ZDHHC13: variants seen among roughly 807,000 people sequenced by gnomAD.
The protein encoded by ZDHHC13 is palmitoyltransferase ZDHHC13.
ZDHHC13 carries 85 observed loss-of-function variants against 86.0 expected under a neutral mutation model. That is an observed-to-expected ratio of 0.99 (90% confidence interval 0.83 to 1.18). ZDHHC13 has a LOEUF of 1.18. ZDHHC13 is among the 50% of genes most tolerant of loss of function. The pLI is 0.00. For synonymous variants in ZDHHC13, 263 were observed against 246.4 expected (o/e 1.07, Z -0.63); for missense variants, 711 against 730.2 (o/e 0.97, Z 0.30).
At chr11:19,139,158 G>A (rs1347501195) in intron 1 of ZDHHC13, among the ~76,000 whole-genome samples, 3 of 151,878 alleles carry the variant, frequency 2.0e-5, no homozygotes, top group Non-Finnish European at 4.4e-5. Flanking sequence ...TGTATATCTA[G>A]AAAACCCCAT....
intron 8 of ZDHHC13, 135 bp downstream of exon 8, chr11:19,152,819 G>T (rs570694259): frequency 2.2e-6 from 3 of 1,365,544 alleles, no homozygotes; most frequent in Non-Finnish European, 3.0e-6. Flanking sequence ...TCTTTCCCCC[G>T]CATCCTATTA....
chr11:19,170,126 T>C (rs751488788), intron 14 of ZDHHC13: 51 of 1,230,860 alleles, frequency 4.1e-5, no homozygotes, highest in African/African-American at 8.0e-5. Context: ...GTATATCTTA[T>C]GCTGAATGCT....
At chr11:19,153,782 C>CCA (rs1849681357) in intron 8 of ZDHHC13, among the ~76,000 whole-genome samples, 1 of 152,110 alleles carries the variant, frequency 6.6e-6, no homozygotes, top group Non-Finnish European at 1.5e-5. Flanking sequence ...TCCTGATACC[C>CCA]TCCCCACCCT....
At chr11:19,152,363 G>A in intron 7 of ZDHHC13, 43 bp downstream of exon 7, 1 of 1,587,606 alleles carries the variant, frequency 6.3e-7, no homozygotes, top group Non-Finnish European at 8.6e-7. Context: ...TATATCTTGA[G>A]TTAGAAGATT....
chr11:19,147,026 A>G (rs1412958605), intron 3 of ZDHHC13, among the ~76,000 whole-genome samples: 2 of 152,144 alleles, frequency 1.3e-5, no homozygotes, highest in Non-Finnish European at 2.9e-5. Flanking sequence ...ATTCCTATAA[A>G]CCATAGAAGA....
intron 12 of ZDHHC13, chr11:19,164,658 A>G (rs1402142056): frequency 4.5e-6 from 2 of 441,298 alleles, no homozygotes; most frequent in Non-Finnish European, 8.1e-6. Flanking sequence ...AGAGGCTCAT[A>G]ATGACCTTAG....
At chr11:19,147,568 T>G in intron 3 of ZDHHC13, 28 bp from the exon 4 acceptor site, 1 of 1,553,570 alleles carries the variant, frequency 6.4e-7, no homozygotes, top group Non-Finnish European at 8.7e-7. Context: ...TTTCAAATCT[T>G]ACTTTCATTT....
At position 19,170,426 on chromosome 11, in the gene ZDHHC13, G is replaced by A; in HGVS notation, c.1490G>A (p.Cys497Tyr). Reference protein sequence around the residue: ...YGSFIYLSSHCATTFKEDGLW... With the variant: ...YGSFIYLSSHYATTFKEDGLW... The stretch of plus-strand genomic sequence containing the variant: ...GAATTCACAGATTTGTCCAGTCATT[G>A]TGCCACAACATTCAAAGAAGATGGA... Residue 497 changes from cysteine to tyrosine, a missense_variant, in exon 15 of 17, where the codon TGT becomes TAT. By Grantham distance (194) the Cys-to-Tyr change is radical. Transcript: ENST00000446113. 1 of 748,742 alleles carries A rather than the reference G, an allele frequency of 1.3e-6. No homozygotes were observed. Among genetic ancestry groups the A allele is most frequent in the Middle Eastern group, 3.8e-4 (1 of 2,656 alleles). 46.4% of individuals were successfully genotyped at this position (748,742 alleles called of 1,614,324 possible). A position where few individuals can be genotyped will look rare whatever the true frequency, so the allele number is the denominator to read the frequency against.
chr11:19,151,421 T>G (rs1326092464), intron 6 of ZDHHC13, among the ~76,000 whole-genome samples: 1 of 152,022 alleles, frequency 6.6e-6, no homozygotes, highest in Admixed American at 6.6e-5. Context: ...TGATTTTGCT[T>G]GTACTTAGGA....
chr11:19,146,524 G>T (rs1317929616), intron 3 of ZDHHC13, among the ~76,000 whole-genome samples: 1 of 151,964 alleles, frequency 6.6e-6, no homozygotes, highest in Non-Finnish European at 1.5e-5. Context: ...AAGCCAAGGG[G>T]GCCAATCATA....
intron 1 of ZDHHC13, among the ~76,000 whole-genome samples, chr11:19,127,628 T>C (rs1285261761): frequency 2.0e-5 from 3 of 152,204 alleles, no homozygotes; most frequent in Non-Finnish European, 2.9e-5. Context: ...ATTTTTTATA[T>C]GGTGTAAGGA....
At chr11:19,135,788 G>A (rs1849121115) in intron 1 of ZDHHC13, among the ~76,000 whole-genome samples, 1 of 152,242 alleles carries the variant, frequency 6.6e-6, no homozygotes, top group African/African-American at 2.4e-5. Context: ...CAGCCTAACT[G>A]GGAGGCACCC....
chr11:19,156,557 C>T (rs1849760714), intron 9 of ZDHHC13, among the ~76,000 whole-genome samples: 1 of 152,166 alleles, frequency 6.6e-6, no homozygotes, highest in Non-Finnish European at 1.5e-5. Flanking sequence ...CATATAAACA[C>T]ATAGAACTAT....
chr11:19,136,298 C>T (rs891825891), intron 1 of ZDHHC13, among the ~76,000 whole-genome samples: 19 of 152,094 alleles, frequency 1.2e-4, no homozygotes, highest in South Asian at 1.0e-3. Flanking sequence ...GGAGCCGATG[C>T]GATCAACTGG....
chr11:19,163,400 T>C lies in ZDHHC13; in HGVS notation c.1206T>C (p.Thr402=). Residue 402 remains threonine, a synonymous_variant, in exon 11 of 17, where the codon ACT becomes ACC. Transcript: ENST00000446113. ...CTTGGGCAACTGATCCAGGCTTCACTAAGGCTTCTGAAGAAGAAAAGAAAG... is the reference window on the plus strand; with the variant it reads ...CTTGGGCAACTGATCCAGGCTTCACCAAGGCTTCTGAAGAAGAAAAGAAAG... ...YKTWATDPGF[T]KASEEEKKVN... is the part of the protein sequence containing the mutation. 6.2e-7 allele frequency: 1 copy of C among 1,604,462 alleles called. No homozygotes were observed. Among genetic ancestry groups the C allele is most frequent in the Non-Finnish European group, 8.5e-7 (1 of 1,176,440 alleles).
chr11:19,142,743 T>G (rs1197773993), intron 1 of ZDHHC13, among the ~76,000 whole-genome samples: 2 of 148,330 alleles, frequency 1.3e-5, no homozygotes, highest in Admixed American at 6.7e-5. Context: ...TTTTTTTTTC[T>G]TTTTTTTTTG....
At chr11:19,154,945 C>T (rs1849716066) in intron 8 of ZDHHC13, among the ~76,000 whole-genome samples, 2 of 152,168 alleles carry the variant, frequency 1.3e-5, no homozygotes, top group Admixed American at 1.3e-4. Context: ...TTCAAGTCTT[C>T]CAGAATGCTA....
chr11:19,171,436 G>GATA (rs772698746), intron 15 of ZDHHC13, among the ~76,000 whole-genome samples: 2 of 151,798 alleles, frequency 1.3e-5, no homozygotes, highest in Non-Finnish European at 2.9e-5. Context: ...TAATAATAAT[G>GATA]ATAATAATAA....
chr11:19,157,783 A>G lies in ZDHHC13; in HGVS notation c.1008-1157A>G, dbSNP rs534837107. On this transcript the variant is annotated intron_variant, in intron 9 of 16. Coordinates refer to ENST00000446113, the MANE Select transcript of ZDHHC13 (RefSeq NM_019028.3). ...TGTAGTTGAAGCCTACATTATAAAAATGGACGCAATTCAAATGTGAGTCAA... is the reference window on the plus strand; with the variant it reads ...TGTAGTTGAAGCCTACATTATAAAAGTGGACGCAATTCAAATGTGAGTCAA... Among the ~76,000 whole-genome samples the G allele has an allele frequency of 1.1e-3, 166 of 152,348 alleles. 1 individual carries two copies. Among genetic ancestry groups the G allele is most frequent in the African/African-American group, 4.0e-3 (166 of 41,582 alleles).
Sources: gnomAD v4.1 joint callset for allele counts (sites outside exome capture counted in the v4.1 genomes callset) on GRCh38, gnomAD v4.1.1 for gene constraint, MANE v1.5 for transcripts, NCBI Gene and HGNC (gene_info 2026-07-23, HGNC 2026-07-21) for gene names.